COL19A1: variants seen among roughly 807,000 people sequenced by gnomAD.
The protein encoded by COL19A1 is collagen type XIX alpha 1 chain, also known as collagen alpha-1(XIX) chain.
A neutral mutation model predicts 190.2 loss-of-function variants in COL19A1; 159 were observed. That is an observed-to-expected ratio of 0.84 (90% CI 0.73 to 0.95). The LOEUF (loss-of-function observed/expected upper bound fraction) is 0.95, where lower values mean the gene tolerates loss of function less well. COL19A1 is among the 40% of genes least tolerant of loss of function. The pLI is 0.00. For missense variants in COL19A1, 1,418 were observed against 1,431.9 expected (o/e 0.99, Z 0.16); for synonymous variants, 509 against 458.9 (o/e 1.11, Z -1.39).
At chr6:70,055,328 T>C (rs933262501) in intron 14 of COL19A1, among the ~76,000 whole-genome samples, 1 of 152,038 alleles carries the variant, frequency 6.6e-6, no homozygotes, top group Admixed American at 6.6e-5. Flanking sequence ...AAAGTTTCAC[T>C]CTAGGCTCAT....
rs574592832 is a variant in COL19A1, at chr6:69,872,133, GTTTTTTGTTTGT to G, written c.-33+5511_-33+5522del. 8.7e-3 allele frequency among the ~76,000 whole-genome samples: 1,322 copies of G among 152,016 alleles called. 6 individuals are homozygous for G. The highest frequency in any genetic ancestry group is 0.012 in the Non-Finnish European group (795 of 67,910). ...TGCCTGGCTGTACATGTTATTCTTT[GTTTTTTGTTTGT>G]TTTTTTGTTTGTTTTTTGTTTTTCA... is the stretch of plus-strand genomic sequence containing the variant. On this transcript the variant is annotated intron_variant, in intron 1 of 50. Coordinates refer to ENST00000620364, the MANE Select transcript of COL19A1 (RefSeq NM_001858.6).
intron 34 of COL19A1, among the ~76,000 whole-genome samples, chr6:70,161,233 A>G (rs1050904830): frequency 6.6e-6 from 1 of 152,184 alleles, no homozygotes. Flanking sequence ...ATATTATATC[A>G]TAAAACATAT....
chr6:70,059,121 T>G (rs542972538), intron 14 of COL19A1, among the ~76,000 whole-genome samples: 63 of 152,246 alleles, frequency 4.1e-4, no homozygotes, highest in South Asian at 3.5e-3. Context: ...AGTTTAGAAT[T>G]TATGCAGATT....
chr6:70,092,922 G>T (rs766697206), intron 15 of COL19A1, among the ~76,000 whole-genome samples: 1 of 152,124 alleles, frequency 6.6e-6, no homozygotes, highest in Non-Finnish European at 1.5e-5. Context: ...TGTTTCACGG[G>T]CTTAGCCTCT....
At chr6:70,156,494 G>A (rs1055633368) in intron 33 of COL19A1, 125 bp downstream of exon 33, 71 of 851,522 alleles carry the variant, frequency 8.3e-5, no homozygotes, top group South Asian at 4.0e-4. Flanking sequence ...GTATGTATAT[G>A]GAGAGAGAGA....
intron 34 of COL19A1, among the ~76,000 whole-genome samples, chr6:70,157,003 A>C (rs1787481839): frequency 6.6e-6 from 1 of 152,112 alleles, no homozygotes. Context: ...CAGCTCTCTC[A>C]AAATAAAAGT....
At chr6:69,878,029 A>C (rs904279186) in intron 1 of COL19A1, among the ~76,000 whole-genome samples, 2 of 151,932 alleles carry the variant, frequency 1.3e-5, no homozygotes, top group Non-Finnish European at 1.5e-5. Context: ...ATAAATAAAT[A>C]AAAGGGCAAA....
chr6:70,045,769 G>A (rs891884671), intron 14 of COL19A1, among the ~76,000 whole-genome samples: 4 of 152,158 alleles, frequency 2.6e-5, no homozygotes, highest in Non-Finnish European at 5.9e-5. Flanking sequence ...AATTGCATTT[G>A]CCCTAAACTC....
chr6:70,079,877 A>C (rs1198363644), intron 15 of COL19A1, among the ~76,000 whole-genome samples: 1 of 152,184 alleles, frequency 6.6e-6, no homozygotes, highest in Non-Finnish European at 1.5e-5. Flanking sequence ...GTGTATATAT[A>C]TATATGTGAA....
chr6:70,025,310 G>A lies in COL19A1; in HGVS notation c.1080+1630G>A, dbSNP rs1299694645. Among the ~76,000 whole-genome samples, 4 of 152,172 alleles carry A rather than the reference G, an allele frequency of 2.6e-5. No homozygotes were observed. In the South Asian group the frequency reaches 6.2e-4, roughly 24 times the overall value. ...CTCCCAAAGTGCTGGGATTACAGGCGTGAGCCACCGTGCCCGGCAGACTTG... is the reference window on the plus strand; with the variant it reads ...CTCCCAAAGTGCTGGGATTACAGGCATGAGCCACCGTGCCCGGCAGACTTG... On this transcript the variant is annotated intron_variant, in intron 12 of 50. Coordinates refer to ENST00000620364, the MANE Select transcript of COL19A1 (RefSeq NM_001858.6).
chr6:69,879,817 C>T (rs1582263635), intron 2 of COL19A1, 159 bp downstream of exon 2: 4 of 679,684 alleles, frequency 5.9e-6, no homozygotes, highest in Non-Finnish European at 9.8e-6. Context: ...CCATGATGCA[C>T]ATTAGGAATT....
intron 9 of COL19A1, among the ~76,000 whole-genome samples, chr6:69,959,349 G>A (rs1461790681): frequency 6.6e-6 from 1 of 151,966 alleles, no homozygotes. Context: ...AAGTAAACAT[G>A]CTTGTACATA....
At chr6:70,063,213 T>C (rs1423693359) in intron 14 of COL19A1, among the ~76,000 whole-genome samples, 1 of 151,986 alleles carries the variant, frequency 6.6e-6, no homozygotes, top group African/African-American at 2.4e-5. Context: ...TATTCCAAAA[T>C]TGACCACATA....
At chr6:69,950,777 A>C (rs545009388) in intron 9 of COL19A1, among the ~76,000 whole-genome samples, 1 of 151,600 alleles carries the variant, frequency 6.6e-6, no homozygotes, top group African/African-American at 2.4e-5. Flanking sequence ...TTTGGACACT[A>C]TGAGCAAATT....
At chr6:70,003,884 ATTG>A (rs1777442802) in intron 11 of COL19A1, among the ~76,000 whole-genome samples, 2 of 152,078 alleles carry the variant, frequency 1.3e-5, no homozygotes, top group African/African-American at 4.8e-5. Flanking sequence ...TAACGTTAGT[ATTG>A]TTATGTGTGA....
chr6:70,104,935 G>T (rs1197834373), intron 16 of COL19A1, among the ~76,000 whole-genome samples: 1 of 152,140 alleles, frequency 6.6e-6, no homozygotes, highest in African/African-American at 2.4e-5. Context: ...GAATTCAGAA[G>T]ATTAAAAAAC....
At chr6:69,872,948 G>A (rs528909696) in intron 1 of COL19A1, among the ~76,000 whole-genome samples, 1 of 152,304 alleles carries the variant, frequency 6.6e-6, no homozygotes, top group Non-Finnish European at 1.5e-5. Flanking sequence ...CACATCCTGA[G>A]AGTAAACATT....
chr6:70,207,364 CTTTTTTTTTTT>C lies in COL19A1; in HGVS notation c.*103_*113del, dbSNP rs36112821. The C allele has an allele frequency of 0.016, 2,821 of 178,070 alleles. 44 individuals are homozygous for C. Among genetic ancestry groups the C allele is most frequent in the Non-Finnish European group, 0.02 (2,359 of 117,106 alleles). The allele number at this position is 178,070 out of a possible 1,614,324, so 11.0% of individuals were successfully genotyped here. ...TCAAACCCTCATCATCTGTGGGTTGCTTTTTTTTTTTTTTTTTTTTTTTGGGAGTAAGCCAG... is the reference window on the plus strand; with the variant it reads ...TCAAACCCTCATCATCTGTGGGTTGCTTTTTTTTTTTTGGGAGTAAGCCAG... On this transcript the variant is annotated 3_prime_UTR_variant, in exon 51 of 51. Coordinates refer to ENST00000620364, the MANE Select transcript of COL19A1 (RefSeq NM_001858.6).
intron 16 of COL19A1, among the ~76,000 whole-genome samples, chr6:70,115,824 T>G (rs1203909833): frequency 1.0e-5 from 1 of 97,006 alleles, no homozygotes; most frequent in African/African-American, 4.3e-5. Context: ...TTTGGTGTTT[T>G]GTTTTTTTTT....
Sources: allele counts gnomAD v4.1 joint callset (sites outside exome capture counted in the v4.1 genomes callset), GRCh38; gene constraint gnomAD v4.1.1; transcripts MANE v1.5; gene names NCBI Gene and HGNC (gene_info 2026-07-23, HGNC 2026-07-21).